The following ATXN10 variants were observed in gnomAD, a reference collection of about 807,000 sequenced individuals.
ATXN10 encodes ataxin-10.
ATXN10 carries 28 observed loss-of-function variants against 52.9 expected under a neutral mutation model. The observed-to-expected ratio is 0.53, with a 90% confidence interval of 0.39 to 0.73. The LOEUF is 0.73. ATXN10 is among the 30% of genes least tolerant of loss of function. The pLI is 0.00. For synonymous variants in ATXN10, 226 were observed against 221.5 expected, an observed-to-expected ratio of 1.02 and a Z score of -0.18; for missense variants, 565 against 577.0, an observed-to-expected ratio of 0.98 and a Z score of 0.21.
intron 9 of ATXN10, among the ~76,000 whole-genome samples, chr22:45,791,798 A>G (rs764839218): frequency 2.6e-5 from 4 of 152,202 alleles, no homozygotes; most frequent in Non-Finnish European, 5.9e-5. Context: ...GCCTTGTAAA[A>G]TGAGTTGGAA....
In ATXN10 at chr22:45,753,190, C is replaced by T. The variant is rs117933685; in HGVS notation, c.1173+12652C>T. On this transcript the variant is annotated intron_variant, in intron 9 of 11. Transcript: ENST00000252934. Reference sequence around the variant, plus strand: ...TCTTCCCTTAACCCCTCCCCTCCTCCTCTCCACCCGCGGTTTCTTTTCCCA... The same window carrying T: ...TCTTCCCTTAACCCCTCCCCTCCTCTTCTCCACCCGCGGTTTCTTTTCCCA... Among the ~76,000 whole-genome samples the T allele has an allele frequency of 2.3e-3, 346 of 150,760 alleles. 2 individuals are homozygous for T. Among genetic ancestry groups the T allele is most frequent in the Non-Finnish European group, 4.0e-3 (271 of 67,772 alleles).
chr22:45,742,412 G>C (rs1414154907), intron 9 of ATXN10, among the ~76,000 whole-genome samples: 1 of 151,950 alleles, frequency 6.6e-6, no homozygotes, highest in East Asian at 1.9e-4. Flanking sequence ...CCGTGCTCAA[G>C]GATGTAAAGG....
chr22:45,778,469 A>G (rs1455485264), intron 9 of ATXN10, among the ~76,000 whole-genome samples: 1 of 152,360 alleles, frequency 6.6e-6, no homozygotes, highest in Middle Eastern at 3.4e-3. Flanking sequence ...AGTAGAGTAC[A>G]TGCTCAGTGT....
At chr22:45,808,454 T>C (rs1433169233) in intron 10 of ATXN10, among the ~76,000 whole-genome samples, 1 of 152,206 alleles carries the variant, frequency 6.6e-6, no homozygotes, top group Non-Finnish European at 1.5e-5. Context: ...CACGAGCACA[T>C]TGTAGGCCTA....
At position 45,684,901 on chromosome 22, in the gene ATXN10, T is replaced by C. The variant is rs1240466511; in HGVS notation, c.117-4811T>C. On this transcript the variant is annotated intron_variant, in intron 1 of 11. Coordinates refer to ENST00000252934, the MANE Select transcript of ATXN10 (RefSeq NM_013236.4). This position sits in a 1 kb window ranked among gnomAD's most constrained non-coding sequence, Gnocchi z 4.1. Reference sequence around the variant, plus strand: ...CTGCCCAGTCAAATCAGCAAGATTATGGTTTTAGATAACAACCAGTGATTG... The same window carrying C: ...CTGCCCAGTCAAATCAGCAAGATTACGGTTTTAGATAACAACCAGTGATTG... 6.6e-6 allele frequency among the ~76,000 whole-genome samples: 1 copy of C among 152,246 alleles called. No homozygotes were observed. Among genetic ancestry groups the C allele is most frequent in the East Asian group, 1.9e-4 (1 of 5,206 alleles).
chr22:45,788,455 G>A (rs973009112), intron 9 of ATXN10, among the ~76,000 whole-genome samples: 2 of 150,742 alleles, frequency 1.3e-5, no homozygotes, highest in South Asian at 2.1e-4. Context: ...CATGTATCTC[G>A]TATCCACCTG....
intron 9 of ATXN10, 61 bp from the exon 10 acceptor site, chr22:45,806,898 T>C: frequency 3.2e-6 from 4 of 1,267,012 alleles, no homozygotes; most frequent in Non-Finnish European, 3.5e-6. Flanking sequence ...ACAAGTCATC[T>C]GTAATCTCTG....
intron 6 of ATXN10, among the ~76,000 whole-genome samples, chr22:45,723,811 C>T (rs1039818526): frequency 6.6e-6 from 1 of 152,030 alleles, no homozygotes; most frequent in Non-Finnish European, 1.5e-5. Flanking sequence ...CAAAAATTAG[C>T]CAGGCGTGGT....
chr22:45,800,279 G>C (rs1010082737), intron 9 of ATXN10, among the ~76,000 whole-genome samples: 1 of 152,098 alleles, frequency 6.6e-6, no homozygotes, highest in African/African-American at 2.4e-5. Context: ...CTTACAACTC[G>C]ATGAGAAGAA....
chr22:45,719,356 T>C (rs1200400647), intron 6 of ATXN10, among the ~76,000 whole-genome samples: 2 of 152,118 alleles, frequency 1.3e-5, no homozygotes, highest in Non-Finnish European at 2.9e-5. Context: ...TTTGTAGTCT[T>C]TTATTAATTA....
At position 45,819,726 on chromosome 22, in the gene ATXN10, G is replaced by A. The variant is rs1182495014; in HGVS notation, c.1237+12704G>A. Among the ~76,000 whole-genome samples the A allele has an allele frequency of 6.6e-6, 1 of 152,190 alleles. No individual in the cohort carries two copies. The highest frequency in any genetic ancestry group is 1.5e-5 in the Non-Finnish European group (1 of 68,034). On this transcript the variant is annotated intron_variant, in intron 10 of 11. Transcript: ENST00000252934. This position sits in a 1 kb window ranked among gnomAD's most constrained non-coding sequence, Gnocchi z 4.5. ...ACATTATTATTATCATTTAATGTAT[G>A]TATTTTCTTATGAAGTTAATTATTT...
intron 10 of ATXN10, among the ~76,000 whole-genome samples, chr22:45,809,313 C>T (rs980200375): frequency 1.3e-5 from 2 of 152,304 alleles, no homozygotes; most frequent in South Asian, 4.1e-4. Flanking sequence ...CTCTTTCCCC[C>T]CCTTTCTTGT....
At position 45,732,620 on chromosome 22, in the gene ATXN10, A is replaced by G. The variant is rs967049191; in HGVS notation, c.894+3030A>G. On this transcript the variant is annotated intron_variant, in intron 7 of 11. Coordinates refer to ENST00000252934, the MANE Select transcript of ATXN10 (RefSeq NM_013236.4). This position sits in a 1 kb window ranked among gnomAD's most constrained non-coding sequence, Gnocchi z 4.5. ...AGGACCACTTTGCCAGTATTTAAAT[A>G]TGCCAAAGACCAAGTGCTATACTGG... 6.6e-6 allele frequency among the ~76,000 whole-genome samples: 1 copy of G among 150,966 alleles called. No homozygotes were observed.
At chr22:45,703,004 C>T (rs2146755235) in intron 5 of ATXN10, among the ~76,000 whole-genome samples, 157 bp downstream of exon 5, 1 of 152,290 alleles carries the variant, frequency 6.6e-6, no homozygotes, top group South Asian at 2.1e-4. Context: ...TGAGCAGAAT[C>T]TAGAGAACTT....
intron 7 of ATXN10, among the ~76,000 whole-genome samples, chr22:45,731,362 A>G (rs901693575): frequency 2.0e-5 from 3 of 152,254 alleles, no homozygotes; most frequent in Non-Finnish European, 4.4e-5. Context: ...TTGCAGGGGA[A>G]CACGAGGGAA....
chr22:45,810,653 A>AT (rs1481274888), intron 10 of ATXN10, among the ~76,000 whole-genome samples: 2 of 152,146 alleles, frequency 1.3e-5, no homozygotes, highest in African/African-American at 4.8e-5. Context: ...AGGATTATTA[A>AT]TTTTCAGTTT....
At chr22:45,710,529 T>G (rs1924205142) in intron 5 of ATXN10, among the ~76,000 whole-genome samples, 1 of 152,240 alleles carries the variant, frequency 6.6e-6, no homozygotes, top group Non-Finnish European at 1.5e-5. Context: ...CTTTCTTGTT[T>G]ATTGTTGGTT....
rs1018230887 is a variant in ATXN10, at chr22:45,775,048, T to C, written c.1174-31911T>C. Among the ~76,000 whole-genome samples, 1 of 152,248 alleles carries C rather than the reference T, an allele frequency of 6.6e-6. No individual in the cohort carries two copies. The highest frequency in any genetic ancestry group is 1.5e-5 in the Non-Finnish European group (1 of 68,040). On this transcript the variant is annotated intron_variant, in intron 9 of 11. Transcript: ENST00000252934. This position sits in a 1 kb window ranked among gnomAD's most constrained non-coding sequence, Gnocchi z 4.7. ...CTTTTTCTGGTAGTTTGTAAAACTT[T>C]AGTGTTGTATTACCAGAAGCACTTA...
rs1031405367 is a variant in ATXN10, at chr22:45,787,531, C to T, written c.1174-19428C>T. Among the ~76,000 whole-genome samples, 1 of 152,194 alleles carries T rather than the reference C, an allele frequency of 6.6e-6. No individual in the cohort carries two copies. Among genetic ancestry groups the T allele is most frequent in the African/African-American group, 2.4e-5 (1 of 41,440 alleles). The stretch of plus-strand genomic sequence containing the variant: ...CATTTGCTTCTTTTGACCTTCGGTA[C>T]TCAGTAGACTTACTGTATGGGAAGG... On this transcript the variant is annotated intron_variant, in intron 9 of 11. Transcript: ENST00000252934. This position sits in a 1 kb window ranked among gnomAD's most constrained non-coding sequence, Gnocchi z 4.2.
Sources: gnomAD v4.1 joint callset for allele counts (sites outside exome capture counted in the v4.1 genomes callset) on GRCh38, gnomAD v4.1.1 for gene constraint, Gnocchi (gnomAD v3.1) non-coding constraint, MANE v1.5 for transcripts, NCBI Gene and HGNC (gene_info 2026-07-23, HGNC 2026-07-21) for gene names.